Variants in COMMD10 observed in about 807,000 individuals in gnomAD.
The protein encoded by COMMD10 is COMM domain containing 10.
In COMMD10, 33 loss-of-function variants were observed where a neutral mutation model predicts 28.9. That is an observed-to-expected ratio of 1.14 (90% CI 0.87 to 1.53). The LOEUF is 1.53. Among genes scored for constraint, COMMD10 ranks in the 40% most tolerant of loss-of-function variants. The pLI is 0.00. For missense variants in COMMD10, 310 were observed against 233.4 expected (o/e 1.33, Z -2.14); for synonymous variants, 110 against 81.7 (o/e 1.35, Z -1.87).
intron 1 of COMMD10, among the ~76,000 whole-genome samples, chr5:116,086,515 A>G (rs745947926): frequency 9.9e-5 from 15 of 151,682 alleles, no homozygotes; most frequent in Admixed American, 3.3e-4. Context: ...CTGGAGTGCA[A>G]TGGCGCCATC....
chr5:116,085,706 TTTAACA>T (rs1211029601), intron 1 of COMMD10: 1 of 152,154 alleles, frequency 6.6e-6, no homozygotes, highest in Non-Finnish European at 1.5e-5. Context: ...AAAGCTCCCC[TTTAACA>T]TTATTTAAGT....
chr5:116,136,455 G>T (rs766857438), intron 5 of COMMD10, among the ~76,000 whole-genome samples: 1 of 152,166 alleles, frequency 6.6e-6, no homozygotes, highest in Non-Finnish European at 1.5e-5. Context: ...TTGTATGTTG[G>T]AAGTGTACTA....
chr5:116,111,243 AT>A (rs1046324124), intron 4 of COMMD10, among the ~76,000 whole-genome samples: 12 of 150,134 alleles, frequency 8.0e-5, no homozygotes, highest in East Asian at 2.0e-4. Flanking sequence ...TAATTTTTTA[AT>A]TTTTTTTTGG....
rs574577639 is a variant in COMMD10 at position 116,256,711 on chromosome 5, A to G, written c.511-34806A>G. 2.6e-5 allele frequency among the ~76,000 whole-genome samples: 4 copies of G among 151,954 alleles called. No homozygotes were observed. In the East Asian group the frequency reaches 7.7e-4, roughly 29 times the overall value. ...GGGACCCAAGTCTTAACGTGAATTCATTTATTTTTTATGTATATCATAAAC... is the reference window on the plus strand; with the variant it reads ...GGGACCCAAGTCTTAACGTGAATTCGTTTATTTTTTATGTATATCATAAAC... On this transcript the variant is annotated intron_variant, in intron 5 of 6. Coordinates refer to ENST00000274458, the MANE Select transcript of COMMD10 (RefSeq NM_016144.4).
chr5:116,099,426 C>CT (rs1305089850), intron 4 of COMMD10, among the ~76,000 whole-genome samples: 4 of 65,684 alleles, frequency 6.1e-5, no homozygotes, highest in African/African-American at 1.7e-4. Flanking sequence ...GCAGATATCT[C>CT]TTCAACTGAT....
At chr5:116,186,711 G>A (rs1322697225) in intron 5 of COMMD10, among the ~76,000 whole-genome samples, 1 of 152,126 alleles carries the variant, frequency 6.6e-6, no homozygotes, top group African/African-American at 2.4e-5. Flanking sequence ...GGGAGCTCAA[G>A]AAATATTTGT....
intron 5 of COMMD10, among the ~76,000 whole-genome samples, chr5:116,274,886 C>T (rs553535722): frequency 6.6e-6 from 1 of 151,890 alleles, no homozygotes; most frequent in African/African-American, 2.4e-5. Flanking sequence ...CTGTTTTTCT[C>T]CCTCCTGAGC....
intron 5 of COMMD10, among the ~76,000 whole-genome samples, chr5:116,210,702 T>A (rs916463369): frequency 6.6e-6 from 1 of 152,096 alleles, no homozygotes; most frequent in African/African-American, 2.4e-5. Context: ...TGCAACCACT[T>A]CTTACTACCT....
At chr5:116,269,552 T>C (rs1750699827) in intron 5 of COMMD10, among the ~76,000 whole-genome samples, 1 of 151,904 alleles carries the variant, frequency 6.6e-6, no homozygotes, top group African/African-American at 2.4e-5. Flanking sequence ...GTATTTTTTT[T>C]CAGGCATTTC....
At chr5:116,140,231 ATGTG>A (rs3072964) in intron 5 of COMMD10, among the ~76,000 whole-genome samples, 1 of 146,990 alleles carries the variant, frequency 6.8e-6, no homozygotes, top group Non-Finnish European at 1.5e-5. Context: ...TCATACTACT[ATGTG>A]TGTGTGTGTG....
chr5:116,223,404 G>A (rs1271264361), intron 5 of COMMD10, among the ~76,000 whole-genome samples: 2 of 152,050 alleles, frequency 1.3e-5, no homozygotes, highest in African/African-American at 4.8e-5. Context: ...TTATTTTAAT[G>A]TTTATTTAAC....
intron 4 of COMMD10, among the ~76,000 whole-genome samples, chr5:116,120,639 C>G (rs1751399849): frequency 6.6e-6 from 1 of 152,068 alleles, no homozygotes; most frequent in Non-Finnish European, 1.5e-5. Context: ...AGATGGCATT[C>G]TCTAGTATTT....
chr5:116,169,037 C>A (rs540181388), intron 5 of COMMD10, among the ~76,000 whole-genome samples: 11 of 149,982 alleles, frequency 7.3e-5, no homozygotes, highest in East Asian at 3.9e-4. Flanking sequence ...TAAATTCATT[C>A]AAAAAAAAAT....
intron 5 of COMMD10, among the ~76,000 whole-genome samples, chr5:116,161,373 C>T (rs1752910601): frequency 1.3e-5 from 2 of 151,974 alleles, no homozygotes; most frequent in Admixed American, 6.6e-5. Context: ...TGTATTTCTT[C>T]CTTTTTCTTA....
intron 5 of COMMD10, among the ~76,000 whole-genome samples, chr5:116,254,561 T>C (rs1485178912): frequency 6.6e-6 from 1 of 150,964 alleles, no homozygotes; most frequent in African/African-American, 2.4e-5. Context: ...ATGTACCCAG[T>C]AGTCATTCAG....
At chr5:116,131,982 G>A (rs1751877447) in intron 4 of COMMD10, among the ~76,000 whole-genome samples, 1 of 151,940 alleles carries the variant, frequency 6.6e-6, no homozygotes, top group Admixed American at 6.6e-5. Flanking sequence ...ATCCTGAGGG[G>A]TTTTGTATAT....
At chr5:116,259,056 C>A (rs1333952675) in intron 5 of COMMD10, among the ~76,000 whole-genome samples, 4 of 148,550 alleles carry the variant, frequency 2.7e-5, no homozygotes, top group Non-Finnish European at 5.9e-5. Context: ...TTAGCTACGT[C>A]CTTTAATTTT....
At chr5:116,129,137 T>A (rs1171224229) in intron 4 of COMMD10, among the ~76,000 whole-genome samples, 1 of 151,758 alleles carries the variant, frequency 6.6e-6, no homozygotes, top group African/African-American at 2.4e-5. Flanking sequence ...GAACTTCTTG[T>A]AACTTTTGAT....
chr5:116,227,081 A>C (rs907473622), intron 5 of COMMD10, among the ~76,000 whole-genome samples: 3 of 152,030 alleles, frequency 2.0e-5, no homozygotes, highest in Admixed American at 2.0e-4. Context: ...AGTGGTAAGC[A>C]GGAAAGCAGG....
Sources: gnomAD v4.1 joint callset for allele counts (sites outside exome capture counted in the v4.1 genomes callset) on GRCh38, gnomAD v4.1.1 for gene constraint, MANE v1.5 for transcripts, NCBI Gene and HGNC (gene_info 2026-07-23, HGNC 2026-07-21) for gene names.